Variants in DMD observed in about 807,000 individuals in gnomAD.
DMD encodes the protein mutant dystrophin.
A neutral mutation model predicts 330.1 loss-of-function variants in DMD; 63 were observed. That is an observed-to-expected ratio of 0.19 (90% CI 0.16 to 0.24). The LOEUF is 0.24. Among genes scored for constraint, DMD ranks in the 10% least tolerant of loss-of-function variants. The pLI, the probability that DMD is intolerant of heterozygous loss-of-function variation, is 1.00. For missense variants in DMD, 3,344 were observed against 2,684.1 expected, an observed-to-expected ratio of 1.25 and a Z score of -5.43; for synonymous variants, 1,223 against 959.8, an observed-to-expected ratio of 1.27 and a Z score of -5.07.
At chrX:32,683,669 G>A (rs781191884) in intron 9 of DMD, among the ~76,000 whole-genome samples, 15 of 102,634 alleles carry the variant, frequency 1.5e-4, no homozygotes, top group African/African-American at 5.0e-4. Context: ...GGAAGGGATA[G>A]CATTAGGAGA....
chrX:33,000,178 C>A (rs962750748), intron 2 of DMD, among the ~76,000 whole-genome samples: 16 of 111,521 alleles, frequency 1.4e-4, no homozygotes, highest in Non-Finnish European at 2.6e-4. Context: ...TTATACTAAA[C>A]ATACTTTAGT....
At chrX:32,343,703 C>T (rs910202881) in intron 39 of DMD, among the ~76,000 whole-genome samples, 1 of 111,504 alleles carries the variant, frequency 9.0e-6, no homozygotes, top group South Asian at 3.7e-4. Flanking sequence ...ATATCTTTAG[C>T]CTTGGGGCTC....
At chrX:32,579,234 T>C (rs2053392818) in intron 13 of DMD, among the ~76,000 whole-genome samples, 1 of 112,108 alleles carries the variant, frequency 8.9e-6, no homozygotes. Context: ...CGGATAAACC[T>C]ATTTTGATGA....
intron 2 of DMD, among the ~76,000 whole-genome samples, chrX:32,948,261 TA>T (rs1020088591): frequency 9.0e-6 from 1 of 111,479 alleles, no homozygotes; most frequent in African/African-American, 3.3e-5. Context: ...CCTCTTTGAA[TA>T]AATCAGGTTC....
intron 60 of DMD, among the ~76,000 whole-genome samples, chrX:31,351,725 C>CAAAAAAA (rs3061693): frequency 1.9e-4 from 10 of 53,022 alleles, no homozygotes; most frequent in African/African-American, 4.3e-4. Context: ...GACTCCATCT[C>CAAAAAAA]AAAAAAAAAA....
chrX:31,446,327 T>C (rs762148430), intron 59 of DMD, among the ~76,000 whole-genome samples: 3 of 112,282 alleles, frequency 2.7e-5, no homozygotes, highest in Non-Finnish European at 3.8e-5. Flanking sequence ...GAAAATGTTC[T>C]GGTATTAAAC....
At chrX:31,741,004 G>A (rs2087291116) in intron 51 of DMD, among the ~76,000 whole-genome samples, 1 of 111,957 alleles carries the variant, frequency 8.9e-6, no homozygotes, top group African/African-American at 3.2e-5. Flanking sequence ...AATGTTCACA[G>A]CATCATCACC....
At chrX:32,190,582 A>ATATATATATATT (rs2096970474) in intron 44 of DMD, among the ~76,000 whole-genome samples, 1 of 95,585 alleles carries the variant, frequency 1.0e-5, no homozygotes, top group Admixed American at 1.1e-4. Flanking sequence ...ATATATATAT[A>ATATATATATATT]TATTTCACCA....
At chrX:31,156,375 G>A (rs764768370) in intron 74 of DMD, among the ~76,000 whole-genome samples, 1 of 111,821 alleles carries the variant, frequency 8.9e-6, no homozygotes, top group South Asian at 3.7e-4. Flanking sequence ...GTCAAAGAAC[G>A]TAAAGGAAAA....
chrX:33,069,185 CACT>C (rs1229718572), intron 1 of DMD, among the ~76,000 whole-genome samples: 1 of 111,347 alleles, frequency 9.0e-6, no homozygotes, highest in Non-Finnish European at 1.9e-5. Flanking sequence ...AGTTGCTCAG[CACT>C]ATTGGCCAAT....
intron 7 of DMD, among the ~76,000 whole-genome samples, chrX:32,760,132 C>T (rs749313147): frequency 8.9e-6 from 1 of 111,937 alleles, no homozygotes; most frequent in Admixed American, 9.5e-5. Context: ...CCAACTATTA[C>T]TATTCCACTG....
At chrX:33,015,225 C>A (rs1410111346) in intron 2 of DMD, among the ~76,000 whole-genome samples, 1 of 111,547 alleles carries the variant, frequency 9.0e-6, no homozygotes, top group Non-Finnish European at 1.9e-5. Flanking sequence ...ATGTTCATTG[C>A]AGCACTATTT....
At chrX:32,104,468 A>C (rs995574479) in intron 44 of DMD, among the ~76,000 whole-genome samples, 1 of 111,450 alleles carries the variant, frequency 9.0e-6, no homozygotes, top group African/African-American at 3.3e-5. Context: ...CTAAATGTGC[A>C]CAGGGCTTAG....
intron 7 of DMD, among the ~76,000 whole-genome samples, chrX:32,710,150 G>T (rs1237440518): frequency 9.4e-6 from 1 of 106,717 alleles, no homozygotes; most frequent in Non-Finnish European, 1.9e-5. Context: ...TTATATACAA[G>T]AACTTTTATT....
intron 1 of DMD, among the ~76,000 whole-genome samples, chrX:33,210,046 T>C (rs374215740): frequency 3.6e-5 from 4 of 110,591 alleles, no homozygotes; most frequent in African/African-American, 1.3e-4. Flanking sequence ...ATATTTGTAA[T>C]GATAGTAAAT....
At chrX:32,671,243 T>G (rs2061616328) in intron 9 of DMD, among the ~76,000 whole-genome samples, 1 of 110,784 alleles carries the variant, frequency 9.0e-6, no homozygotes. Flanking sequence ...CTCTCTCCAT[T>G]ATTTAGTAAA....
At chrX:31,132,152 G>T (rs772402728) in intron 77 of DMD, among the ~76,000 whole-genome samples, 1 of 112,030 alleles carries the variant, frequency 8.9e-6, no homozygotes, top group South Asian at 3.8e-4. Flanking sequence ...AAATTCTTCC[G>T]TAAGCACTAA....
At chrX:32,502,650 C>G (rs746836775) in intron 18 of DMD, among the ~76,000 whole-genome samples, 1 of 111,902 alleles carries the variant, frequency 8.9e-6, no homozygotes, top group Non-Finnish European at 1.9e-5. Flanking sequence ...ATAACTATAA[C>G]GCAATTAAAA....
intron 41 of DMD, among the ~76,000 whole-genome samples, chrX:32,332,923 C>T (rs144973020): frequency 1.2e-4 from 13 of 109,363 alleles, no homozygotes; most frequent in African/African-American, 3.6e-4. Flanking sequence ...AATCAAGTCA[C>T]GAGGCTGGAT....
Sources: gnomAD v4.1 joint callset for allele counts (sites outside exome capture counted in the v4.1 genomes callset) on GRCh38, gnomAD v4.1.1 for gene constraint, MANE v1.5 for transcripts, NCBI Gene and HGNC (gene_info 2026-07-23, HGNC 2026-07-21) for gene names.